Variants in TLN2 observed in about 807,000 individuals in gnomAD.
TLN2 encodes talin 2, also known as talin-2.
A neutral mutation model predicts 294.7 loss-of-function variants in TLN2; 118 were observed. That is an observed-to-expected ratio of 0.40 (90% CI 0.34 to 0.47). The LOEUF is 0.47. TLN2 is among the 20% of genes least tolerant of loss of function. The probability of loss-of-function intolerance (pLI) is 0.84; values close to 1 mark genes in which losing one functional copy is unlikely to be tolerated. For synonymous variants in TLN2, 1,431 were observed against 1,304.5 expected (o/e 1.10, Z -2.09); for missense variants, 3,083 against 3,282.2 (o/e 0.94, Z 1.48).
At chr15:62,561,838 C>G (rs901576094) in intron 1 of TLN2, among the ~76,000 whole-genome samples, 1 of 152,112 alleles carries the variant, frequency 6.6e-6, no homozygotes, top group Admixed American at 6.5e-5. Context: ...ATCCTGCTCC[C>G]TACCCCACTT....
At position 62,659,094 on chromosome 15, in the gene TLN2, C is replaced by T. The variant is rs535055414; in HGVS notation, c.788+1196C>T. ...AGGCGATCCGAATGTAGTCATTCACCGGGTTCCTATATTGATGATGATGCC... is the reference window on the plus strand; with the variant it reads ...AGGCGATCCGAATGTAGTCATTCACTGGGTTCCTATATTGATGATGATGCC... On this transcript the variant is annotated intron_variant, in intron 9 of 58. Coordinates refer to ENST00000636159, the MANE Select transcript of TLN2 (RefSeq NM_015059.3). Among the ~76,000 whole-genome samples, 8 of 152,230 alleles carry T rather than the reference C, an allele frequency of 5.3e-5. No homozygotes were observed. The South Asian group carries it at 6.2e-4, about 12-fold the overall frequency.
chr15:62,694,754 GC>G (rs2058202427), intron 14 of TLN2, among the ~76,000 whole-genome samples: 1 of 152,188 alleles, frequency 6.6e-6, no homozygotes, highest in South Asian at 2.1e-4. Flanking sequence ...TTTGATTCTG[GC>G]CCCTTTTGTG....
Position 62,702,138 on chromosome 15 carries a change from G to T in TLN2, c.1843G>T (p.Ala615Ser), listed in dbSNP as rs1337331105. 7 of 1,613,654 alleles carry T rather than the reference G, an allele frequency of 4.3e-6. No individual in the cohort carries two copies. Among genetic ancestry groups the T allele is most frequent in the Non-Finnish European group, 5.1e-6 (6 of 1,179,906 alleles). Reference sequence around the variant, plus strand: ...CAGCGGGGAGGACTTGCTCAGAGCTGCCAGGACCCTCGCTGGGGCGGTGTC... The same window carrying T: ...CAGCGGGGAGGACTTGCTCAGAGCTTCCAGGACCCTCGCTGGGGCGGTGTC... ...VGSGEDLLRA[A>S]RTLAGAVSDL... The change falls in exon 18 of 59, where the codon GCC becomes TCC. Residue 615 changes from alanine to serine, a missense_variant. Physicochemically the swap from Ala to Ser is moderately conservative, Grantham distance 99. Coordinates refer to ENST00000636159, the MANE Select transcript of TLN2 (RefSeq NM_015059.3).
chr15:62,546,605 C>G (rs1225808957), intron 1 of TLN2, among the ~76,000 whole-genome samples: 2 of 152,142 alleles, frequency 1.3e-5, no homozygotes, highest in Non-Finnish European at 2.9e-5. Context: ...GTTGCAAGGA[C>G]AGCATAGAGA....
intron 2 of TLN2, among the ~76,000 whole-genome samples, chr15:62,595,834 A>C (rs950143142): frequency 2.6e-5 from 4 of 152,218 alleles, no homozygotes; most frequent in African/African-American, 9.6e-5. Flanking sequence ...TCTTAATTAC[A>C]TGTGGAATCT....
chr15:62,837,355 G>A (rs2069815878), intron 57 of TLN2, among the ~76,000 whole-genome samples: 1 of 152,150 alleles, frequency 6.6e-6, no homozygotes, highest in African/African-American at 2.4e-5. Flanking sequence ...GAGAGACCTG[G>A]TTCAAGTCCT....
chr15:62,643,530 A>G (rs750433800), intron 3 of TLN2, among the ~76,000 whole-genome samples: 1 of 149,018 alleles, frequency 6.7e-6, no homozygotes, highest in Non-Finnish European at 1.5e-5. Flanking sequence ...TAGTGAATGT[A>G]GTATTTCTTG....
intron 1 of TLN2, among the ~76,000 whole-genome samples, chr15:62,407,697 A>G (rs1301709883): frequency 7.9e-5 from 12 of 152,150 alleles, no homozygotes; most frequent in African/African-American, 2.7e-4. Context: ...TGGGTGGATC[A>G]CTTGAATTCA....
intron 21 of TLN2, 121 bp from the exon 22 acceptor site, chr15:62,711,790 A>G: frequency 9.1e-7 from 1 of 1,094,708 alleles, no homozygotes; most frequent in Non-Finnish European, 1.3e-6. Flanking sequence ...TAGAGCATGG[A>G]GGTTCAGTTT....
chr15:62,470,423 G>T (rs1032089904), intron 1 of TLN2, among the ~76,000 whole-genome samples: 2 of 152,250 alleles, frequency 1.3e-5, no homozygotes, highest in Non-Finnish European at 2.9e-5. Context: ...AAAGGCCTGG[G>T]CCAGGGCTGA....
intron 58 of TLN2, among the ~76,000 whole-genome samples, chr15:62,839,908 G>A (rs900267176): frequency 3.3e-4 from 50 of 152,212 alleles, no homozygotes; most frequent in African/African-American, 1.2e-3. Flanking sequence ...TGGAAAGCCA[G>A]GAAAGGAACT....
Position 62,698,797 on chromosome 15 carries a change from T to C in TLN2, c.1517T>C (p.Met506Thr), listed in dbSNP as rs1280009164. 2 of 1,612,504 alleles carry C rather than the reference T, an allele frequency of 1.2e-6. No individual in the cohort carries two copies. The highest frequency in any genetic ancestry group is 1.7e-5 in the Admixed American group (1 of 60,022). ...CTGATGGGGACCATCAACACAAGCA[T>C]GCACGCCGTCCAGCAGGCCCAGGAT... The part of the protein sequence containing the change: ...QALMGTINTS[M>T]HAVQQAQDDL... Residue 506 changes from methionine to threonine, a missense_variant, in exon 16 of 59, where the codon ATG (methionine) becomes ACG (threonine). By Grantham distance (81) the Met-to-Thr change is moderately conservative. Coordinates refer to ENST00000636159, the MANE Select transcript of TLN2 (RefSeq NM_015059.3).
intron 1 of TLN2, among the ~76,000 whole-genome samples, chr15:62,392,077 A>G (rs1384612727): frequency 6.6e-6 from 1 of 152,266 alleles, no homozygotes; most frequent in Non-Finnish European, 1.5e-5. Flanking sequence ...CTGAGCTTCC[A>G]GTCGCCTCTT....
chr15:62,515,871 G>A (rs1354688265), intron 1 of TLN2, among the ~76,000 whole-genome samples: 1 of 152,152 alleles, frequency 6.6e-6, no homozygotes, highest in Non-Finnish European at 1.5e-5. Context: ...TGTCCTTTAT[G>A]TGTGCTGGGC....
At chr15:62,458,273 G>A (rs566940022) in intron 1 of TLN2, among the ~76,000 whole-genome samples, 14 of 152,182 alleles carry the variant, frequency 9.2e-5, no homozygotes, top group African/African-American at 3.1e-4. Flanking sequence ...AGGGTCAGGC[G>A]GGGTCACTCC....
intron 2 of TLN2, among the ~76,000 whole-genome samples, chr15:62,604,994 A>T (rs2047315586): frequency 6.6e-6 from 1 of 152,150 alleles, no homozygotes; most frequent in Admixed American, 6.6e-5. Context: ...CTTGTTTCTT[A>T]CTACATTTGC....
chr15:62,825,801 T>TATTATATAATATATATATTATA (rs1212160568), intron 54 of TLN2, among the ~76,000 whole-genome samples: 1 of 10,876 alleles, frequency 9.2e-5, no homozygotes, highest in African/African-American at 2.9e-4. Flanking sequence ...ATAATATATA[T>TATTATATAATATATATATTATA]TATATATTAT....
chr15:62,734,957 C>A (rs2060925504), intron 28 of TLN2, among the ~76,000 whole-genome samples: 1 of 152,188 alleles, frequency 6.6e-6, no homozygotes, highest in Non-Finnish European at 1.5e-5. Context: ...TGCCGAGAGA[C>A]CTTCCAGCTC....
At chr15:62,713,968 A>G (rs1292283171) in intron 22 of TLN2, among the ~76,000 whole-genome samples, 1 of 143,778 alleles carries the variant, frequency 7.0e-6, no homozygotes, top group Non-Finnish European at 1.5e-5. Context: ...TTTATGTAGT[A>G]GTTGAATTTT....
Sources: gnomAD v4.1 joint callset for allele counts (sites outside exome capture counted in the v4.1 genomes callset) on GRCh38, gnomAD v4.1.1 for gene constraint, MANE v1.5 for transcripts, NCBI Gene and HGNC (gene_info 2026-07-23, HGNC 2026-07-21) for gene names.